Variants in ZFP62 observed in about 807,000 individuals in gnomAD.
ZFP62 encodes the protein ZFP62 zinc finger protein.
A neutral mutation model predicts 56.4 loss-of-function variants in ZFP62; 44 were observed. The observed-to-expected ratio is 0.78, with a 90% CI of 0.61 to 1.00. ZFP62 has a LOEUF of 1.00. Ranked by LOEUF, ZFP62 falls within the 50% of genes least tolerant of loss-of-function variation. The pLI, the probability that ZFP62 is intolerant of heterozygous loss-of-function variation, is 0.00. For synonymous variants in ZFP62, 421 were observed against 388.9 expected, an observed-to-expected ratio of 1.08 and a Z score of -0.97; for missense variants, 1,030 against 1,085.7, an observed-to-expected ratio of 0.95 and a Z score of 0.72.
chr5:180,845,326 T>TAAAAAAAAAAAA (rs772922940), downstream of ZFP62, among the ~76,000 whole-genome samples: 4 of 32,828 alleles, frequency 1.2e-4, 1 homozygote, highest in African/African-American at 1.5e-4. Flanking sequence ...GAGACCGTCT[T>TAAAAAAAAAAAA]AAAAAAAAAA....
At chr5:180,828,762 G>C in the ZFP62 span, among the ~76,000 whole-genome samples, 1 of 152,180 alleles carries the variant, frequency 6.6e-6, no homozygotes, top group African/African-American at 2.4e-5. Context: ...CATAAGGTCT[G>C]ACTGCCTGCG....
chr5:180,831,113 C>A, the ZFP62 span: 1 of 152,646 alleles, frequency 6.6e-6, no homozygotes. Flanking sequence ...GAAACGCTGC[C>A]TCTGTGGAAG....
At position 180,851,184 on chromosome 5, in the gene ZFP62, T is replaced by C; in HGVS notation, c.311A>G (p.Gln104Arg). The stretch of plus-strand genomic sequence containing the variant: ...GCCTCTCTGTCCTATAGGCATAGTC[T>C]GGTGTGTGATATGCTGTGGGCTCAG... ...LHLSPQHITH[Q>R]TMPIGQRGSE... Residue 104 changes from glutamine to arginine, a missense_variant, in exon 2 of 2, where the codon CAG becomes CGG. Transcript: ENST00000502412. 6.4e-7 allele frequency: 1 copy of C among 1,551,742 alleles called. No homozygotes were observed. The highest frequency in any genetic ancestry group is 8.7e-7 in the Non-Finnish European group (1 of 1,146,988).
chr5:180,858,455 T>G (rs1483902474), intron 1 of ZFP62, among the ~76,000 whole-genome samples: 1 of 151,644 alleles, frequency 6.6e-6, no homozygotes, highest in Non-Finnish European at 1.5e-5. Flanking sequence ...ATACAAAAAT[T>G]AGCCAGATGT....
chr5:180,849,402 C>T lies in ZFP62; in HGVS notation c.2093G>A (p.Arg698Lys), dbSNP rs168726. ...LINHKSTHPG[R>K]TPHTCDECGK... ...ACATTCATCACATGTATGGGGTGTC[C>T]TGCCAGGGTGGGTACTCTTATGGTT... Residue 698 changes from arginine to lysine, a missense_variant, in exon 2 of 2, where the codon AGG becomes AAG. By Grantham distance (26) the Arg-to-Lys change is conservative. Transcript: ENST00000502412. 1,233,574 of 1,551,562 alleles carry T rather than the reference C, an allele frequency of 0.8. 491,896 individuals are homozygous for T. The highest frequency in any genetic ancestry group is 0.99 in the East Asian group (40,447 of 40,898).
At chr5:180,834,029 G>A in the ZFP62 span, among the ~76,000 whole-genome samples, 2 of 152,092 alleles carry the variant, frequency 1.3e-5, no homozygotes, top group African/African-American at 2.4e-5. Flanking sequence ...CTGAATGCTC[G>A]TCTGCCCCCA....
chr5:180,855,497 C>T (rs1158890905), intron 1 of ZFP62, among the ~76,000 whole-genome samples: 1 of 152,120 alleles, frequency 6.6e-6, no homozygotes, highest in Non-Finnish European at 1.5e-5. Flanking sequence ...CCCCTCCTTC[C>T]ACCTTGAGAC....
At chr5:180,830,619 C>CT in the ZFP62 span, 1 of 151,988 alleles carries the variant, frequency 6.6e-6, no homozygotes, top group Non-Finnish European at 1.5e-5. Flanking sequence ...TTCCAGCTGT[C>CT]TGAGATTAAG....
the ZFP62 span, among the ~76,000 whole-genome samples, chr5:180,827,713 T>A: frequency 6.6e-6 from 1 of 152,126 alleles, no homozygotes; most frequent in Non-Finnish European, 1.5e-5. Context: ...AGGATTAGTA[T>A]AAGAGGAAGG....
In ZFP62 at chr5:180,848,163, C is replaced by T; in HGVS notation, c.*629G>A. On this transcript the variant is annotated 3_prime_UTR_variant, in exon 2 of 2. Transcript: ENST00000502412. ...TTGCATTTTTTATGAGTGACTCTCTCCTATCTCCTGTTAGACTTGTAAGTC... is the reference window on the plus strand; with the variant it reads ...TTGCATTTTTTATGAGTGACTCTCTTCTATCTCCTGTTAGACTTGTAAGTC... The T allele has an allele frequency of 1.0e-6, 1 of 985,364 alleles. No individual in the cohort carries two copies. Among genetic ancestry groups the T allele is most frequent in the Non-Finnish European group, 1.2e-6 (1 of 829,918 alleles). The allele number at this position is 985,364 out of a possible 1,614,324, so 61.0% of individuals were successfully genotyped here.
rs1426566455 is a variant in ZFP62 at position 180,850,830 on chromosome 5, T to C, written c.665A>G (p.Glu222Gly). The C allele has an allele frequency of 6.4e-7, 1 of 1,566,556 alleles. No individual in the cohort carries two copies. ...LINHKSTHSG[E>G]KNCKCDECGK... ...ACATTCATCACATTTACAGTTCTTC[T>C]CCCCAGAATGGGTGCTTTTGTGGTT... is the stretch of plus-strand genomic sequence containing the variant. Residue 222 changes from glutamate (E) to glycine (G), a missense_variant, in exon 2 of 2, where the codon GAG (glutamate) becomes GGG (glycine). Physicochemically the swap from Glu to Gly is moderately conservative, Grantham distance 98. Coordinates refer to ENST00000502412, the MANE Select transcript of ZFP62 (RefSeq NM_001172638.2).
the ZFP62 span, among the ~76,000 whole-genome samples, chr5:180,840,436 A>C: frequency 6.6e-6 from 1 of 151,978 alleles, no homozygotes; most frequent in Non-Finnish European, 1.5e-5. Flanking sequence ...GATGAGAATC[A>C]AACTGGGAAA....
At chr5:180,861,178 G>GGGCCGGGGGCGGGAGCGCGGGC in intron 1 of ZFP62, 41 bp downstream of exon 1, 1 of 398,464 alleles carries the variant, frequency 2.5e-6, no homozygotes, top group Non-Finnish European at 4.4e-6. Context: ...TGGCAGGCAA[G>GGGCCGGGGGCGGGAGCGCGGGC]GGCCGGGGGC....
the ZFP62 span, among the ~76,000 whole-genome samples, chr5:180,835,943 C>T: frequency 1.8e-4 from 27 of 152,238 alleles, no homozygotes; most frequent in Non-Finnish European, 1.6e-4. Context: ...CAGCAGGCTG[C>T]GTTTCTGACA....
chr5:180,853,734 G>A (rs1773833770), intron 1 of ZFP62, among the ~76,000 whole-genome samples: 1 of 152,216 alleles, frequency 6.6e-6, no homozygotes, highest in Non-Finnish European at 1.5e-5. Flanking sequence ...TGGAGGCGGG[G>A]CAGTGGGAAG....
chr5:180,851,622 G>T, intron 1 of ZFP62, 129 bp from the exon 2 acceptor site: 1 of 1,115,092 alleles, frequency 9.0e-7, no homozygotes, highest in South Asian at 1.7e-5. Flanking sequence ...CAGGTACCAT[G>T]TGCCATGTAC....
At chr5:180,843,275 A>C (rs1350518745), downstream of ZFP62, among the ~76,000 whole-genome samples, 1 of 152,004 alleles carries the variant, frequency 6.6e-6, no homozygotes, top group East Asian at 1.9e-4. Context: ...TCAAGAATCC[A>C]CCTTTTAATT....
chr5:180,827,823 C>T, the ZFP62 span, among the ~76,000 whole-genome samples: 1 of 152,236 alleles, frequency 6.6e-6, no homozygotes, highest in Non-Finnish European at 1.5e-5. Flanking sequence ...GTTCCATCTA[C>T]TGAGATAGGG....
intron 1 of ZFP62, 40 bp from the exon 2 acceptor site, chr5:180,851,533 TAA>T: frequency 6.8e-7 from 1 of 1,460,540 alleles, no homozygotes. Context: ...TTCACTCTCT[TAA>T]AAAAAAACAA....
Sources: allele counts gnomAD v4.1 joint callset (sites outside exome capture counted in the v4.1 genomes callset), GRCh38; gene constraint gnomAD v4.1.1; transcripts MANE v1.5; gene names NCBI Gene and HGNC (gene_info 2026-07-23, HGNC 2026-07-21).